The following FLT1 variants were observed in gnomAD, a reference collection of about 807,000 sequenced individuals.
FLT1 encodes the protein vascular endothelial growth factor receptor 1.
Under a neutral mutation model 156.3 loss-of-function variants are expected in FLT1, and 49 were observed. That is an observed-to-expected ratio of 0.31 (90% CI 0.25 to 0.40). The LOEUF (loss-of-function observed/expected upper bound fraction) is 0.40. FLT1 is among the 10% of genes least tolerant of loss of function. The pLI is 1.00. For synonymous variants in FLT1, 594 were observed against 583.8 expected (o/e 1.02, Z -0.25); for missense variants, 1,322 against 1,637.2 (o/e 0.81, Z 3.32).
Position 28,494,870 on chromosome 13 carries a change from C to A in FLT1, c.-27G>T. On this transcript the variant is annotated 5_prime_UTR_variant, in exon 1 of 30. Coordinates refer to ENST00000282397, the MANE Select transcript of FLT1 (RefSeq NM_002019.4). ...GTGAGCGCGACGCGGCCTGCTCGCC[C>A]GGTGCCCGCGCTCCCCGCGGCCAAC... The A allele has an allele frequency of 6.6e-7, 1 of 1,516,942 alleles. No homozygotes were observed. Among genetic ancestry groups the A allele is most frequent in the Non-Finnish European group, 8.8e-7 (1 of 1,136,548 alleles). The allele number at this position is 1,516,942 out of a possible 1,614,324, so 94.0% of individuals were successfully genotyped here.
intron 14 of FLT1, among the ~76,000 whole-genome samples, chr13:28,379,428 A>G (rs1330086674): frequency 6.6e-6 from 1 of 152,208 alleles, no homozygotes; most frequent in Non-Finnish European, 1.5e-5. Flanking sequence ...AAGGCAGCCC[A>G]TGGCCCAGAG....
chr13:28,305,762 C>T (rs571308244), intron 29 of FLT1, among the ~76,000 whole-genome samples: 52 of 152,276 alleles, frequency 3.4e-4, no homozygotes, highest in African/African-American at 1.3e-3. Context: ...TTTCTTAAAA[C>T]ATTCTGAGAT....
chr13:28,326,238 A>T (rs1489167468), intron 20 of FLT1, among the ~76,000 whole-genome samples: 1 of 152,186 alleles, frequency 6.6e-6, no homozygotes, highest in East Asian at 1.9e-4. Context: ...TTCATTTAAT[A>T]AACGAGGGAA....
chr13:28,493,204 A>G (rs753286106), intron 1 of FLT1, among the ~76,000 whole-genome samples: 1 of 152,240 alleles, frequency 6.6e-6, no homozygotes, highest in African/African-American at 2.4e-5. Flanking sequence ...ATTTAGCTAG[A>G]TTTATCTTTA....
intron 14 of FLT1, among the ~76,000 whole-genome samples, chr13:28,381,456 G>A (rs185126364): frequency 1.3e-5 from 2 of 152,150 alleles, no homozygotes; most frequent in South Asian, 2.1e-4. Context: ...CTACTCAGAA[G>A]GCTGAGTCAG....
intron 3 of FLT1, among the ~76,000 whole-genome samples, chr13:28,458,578 A>G (rs1346412975): frequency 6.6e-6 from 1 of 152,232 alleles, no homozygotes; most frequent in Non-Finnish European, 1.5e-5. Context: ...CAAAGAGAGA[A>G]GATGCATTTG....
intron 20 of FLT1, among the ~76,000 whole-genome samples, chr13:28,326,433 C>T (rs1871680131): frequency 6.6e-6 from 1 of 151,802 alleles, no homozygotes; most frequent in Non-Finnish European, 1.5e-5. Context: ...TTCTTCAGCT[C>T]AGAGAAGGAC....
intron 29 of FLT1, among the ~76,000 whole-genome samples, chr13:28,305,611 G>A (rs1266338198): frequency 1.3e-5 from 2 of 152,196 alleles, no homozygotes; most frequent in African/African-American, 4.8e-5. Context: ...TACAGTGTGT[G>A]GGAACAGAGC....
chr13:28,443,852 T>C (rs1283510422), intron 3 of FLT1, among the ~76,000 whole-genome samples: 1 of 152,192 alleles, frequency 6.6e-6, no homozygotes, highest in Non-Finnish European at 1.5e-5. Context: ...TCAAAGCCAC[T>C]GACAACTCAA....
At chr13:28,456,655 G>T (rs1055099487) in intron 3 of FLT1, among the ~76,000 whole-genome samples, 6 of 152,034 alleles carry the variant, frequency 3.9e-5, no homozygotes, top group African/African-American at 1.2e-4. Flanking sequence ...AATTAGCTGG[G>T]TGTGGTGGTG....
intron 10 of FLT1, among the ~76,000 whole-genome samples, chr13:28,423,923 C>CA (rs1367794004): frequency 1.3e-5 from 2 of 152,128 alleles, no homozygotes; most frequent in Non-Finnish European, 2.9e-5. Flanking sequence ...AGAGATATCA[C>CA]AGTTTTATTA....
intron 12 of FLT1, among the ~76,000 whole-genome samples, chr13:28,394,526 G>A (rs1289417740): frequency 1.3e-5 from 2 of 152,242 alleles, no homozygotes; most frequent in African/African-American, 2.4e-5. Context: ...ATGATGCAGC[G>A]ATGAGACTCT....
intron 14 of FLT1, among the ~76,000 whole-genome samples, chr13:28,375,600 G>A (rs1348450472): frequency 6.6e-6 from 1 of 152,216 alleles, no homozygotes. Context: ...CTGCAACATA[G>A]TCCTGGCAGG....
intron 1 of FLT1, among the ~76,000 whole-genome samples, chr13:28,489,151 C>T (rs1259648891): frequency 6.6e-6 from 1 of 152,158 alleles, no homozygotes; most frequent in Non-Finnish European, 1.5e-5. Context: ...TCATACATCT[C>T]AATCGCTCAC....
At chr13:28,473,675 G>GAA (rs1566050046) in intron 1 of FLT1, among the ~76,000 whole-genome samples, 34 of 115,528 alleles carry the variant, frequency 2.9e-4, no homozygotes, top group African/African-American at 1.4e-3. Flanking sequence ...GAAAGAAAGA[G>GAA]AGAGAGAGAG....
At chr13:28,429,623 G>T (rs1399127882) in intron 8 of FLT1, among the ~76,000 whole-genome samples, 1 of 152,052 alleles carries the variant, frequency 6.6e-6, no homozygotes, top group African/African-American at 2.4e-5. Flanking sequence ...AACAGGACTG[G>T]AACTTTCAAC....
intron 3 of FLT1, among the ~76,000 whole-genome samples, chr13:28,464,628 T>C (rs1324116210): frequency 2.0e-5 from 3 of 152,272 alleles, no homozygotes; most frequent in Non-Finnish European, 2.9e-5. Flanking sequence ...AGGGCTTAGA[T>C]TAACAATGGA....
intron 10 of FLT1, among the ~76,000 whole-genome samples, chr13:28,413,447 C>T (rs1876445838): frequency 6.8e-6 from 1 of 147,614 alleles, no homozygotes; most frequent in Admixed American, 7.0e-5. Flanking sequence ...GCCAGGGGAT[C>T]CTCGTGGCCC....
intron 14 of FLT1, among the ~76,000 whole-genome samples, chr13:28,369,504 G>A (rs1260138539): frequency 6.6e-6 from 1 of 152,094 alleles, no homozygotes; most frequent in African/African-American, 2.4e-5. Context: ...CAGCATGGAT[G>A]ACAGAACGAG....
Sources: allele counts gnomAD v4.1 joint callset (sites outside exome capture counted in the v4.1 genomes callset), GRCh38; gene constraint gnomAD v4.1.1; transcripts MANE v1.5; gene names NCBI Gene and HGNC (gene_info 2026-07-23, HGNC 2026-07-21).